Variants in STPG2 observed in about 807,000 individuals in gnomAD.
STPG2 encodes the protein sperm-tail PG-rich repeat-containing protein 2.
A neutral mutation model predicts 54.2 loss-of-function variants in STPG2; 56 were observed. The ratio of observed to expected loss-of-function variants is 1.03; its 90% CI spans 0.83 to 1.29. The LOEUF is 1.29. STPG2 is among the 50% of genes most tolerant of loss of function. The probability of loss-of-function intolerance (pLI) is 0.00; values close to 1 mark genes in which losing one functional copy is unlikely to be tolerated. For missense variants in STPG2, 596 were observed against 544.9 expected, an observed-to-expected ratio of 1.09 and a Z score of -0.93; for synonymous variants, 200 against 181.8, an observed-to-expected ratio of 1.10 and a Z score of -0.81.
chr4:97,878,962 T>C (rs1273413217), intron 8 of STPG2, among the ~76,000 whole-genome samples: 1 of 152,204 alleles, frequency 6.6e-6, no homozygotes, highest in East Asian at 1.9e-4. Context: ...TAGAAATTTC[T>C]TCTGCCAGAT....
At chr4:98,032,675 T>C (rs561826897) in intron 5 of STPG2, among the ~76,000 whole-genome samples, 21 of 152,264 alleles carry the variant, frequency 1.4e-4, no homozygotes, top group African/African-American at 2.6e-4. Context: ...TATTCTAAAA[T>C]TGACCACATA....
intron 9 of STPG2, among the ~76,000 whole-genome samples, chr4:97,833,515 T>C (rs945234419): frequency 2.6e-5 from 4 of 152,120 alleles, no homozygotes; most frequent in African/African-American, 7.2e-5. Flanking sequence ...TGGGATCTAA[T>C]TAAACTAAAG....
chr4:97,592,504 T>C (rs1733171720), intron 10 of STPG2, among the ~76,000 whole-genome samples: 1 of 152,090 alleles, frequency 6.6e-6, no homozygotes, highest in South Asian at 2.1e-4. Context: ...TATATTCTAA[T>C]TAAACAAAGT....
intron 9 of STPG2, among the ~76,000 whole-genome samples, chr4:97,765,872 G>C (rs1297257954): frequency 6.6e-6 from 1 of 152,024 alleles, no homozygotes; most frequent in Non-Finnish European, 1.5e-5. Flanking sequence ...TTAATGAGTG[G>C]GCAAATATAA....
At chr4:98,120,027 C>T (rs1472145371) in intron 3 of STPG2, among the ~76,000 whole-genome samples, 1 of 152,040 alleles carries the variant, frequency 6.6e-6, no homozygotes, top group Non-Finnish European at 1.5e-5. Context: ...GATTCCATGG[C>T]TTTACTATTG....
chr4:97,927,605 A>T (rs950517584), intron 8 of STPG2, among the ~76,000 whole-genome samples: 7 of 152,242 alleles, frequency 4.6e-5, no homozygotes, highest in Admixed American at 1.3e-4. Context: ...ATAGCTTTTT[A>T]AAAAATCACA....
intron 10 of STPG2, among the ~76,000 whole-genome samples, chr4:97,678,584 T>TTTATTTA (rs1343494812): frequency 1.4e-4 from 22 of 151,924 alleles, no homozygotes; most frequent in Non-Finnish European, 3.1e-4. Context: ...TCATGCCCAT[T>TTTATTTA]TTATTTATTT....
chr4:98,039,741 G>C (rs1456986468), intron 5 of STPG2, among the ~76,000 whole-genome samples: 5 of 150,432 alleles, frequency 3.3e-5, no homozygotes, highest in Admixed American at 2.7e-4. Context: ...TGGACACTTA[G>C]GTTGATTCCA....
At chr4:97,810,699 G>A (rs1727708133) in intron 9 of STPG2, among the ~76,000 whole-genome samples, 1 of 151,958 alleles carries the variant, frequency 6.6e-6, no homozygotes, top group Admixed American at 6.6e-5. Flanking sequence ...AGTGTAATAG[G>A]AAAGCAAACA....
chr4:97,835,681 T>C lies in STPG2; in HGVS notation c.1204+5092A>G, dbSNP rs183914991. Among the ~76,000 whole-genome samples the C allele has an allele frequency of 8.1e-4, 123 of 152,192 alleles. 1 individual carries two copies. The highest frequency in any genetic ancestry group is 2.9e-3 in the African/African-American group (119 of 41,542). ...GTAAGGCTATGGCCACCATACAGAG[T>C]GACTCCTCTGGGATCTGGGCAAAGT... On this transcript the variant is annotated intron_variant, in intron 9 of 10. Coordinates refer to ENST00000295268, the MANE Select transcript of STPG2 (RefSeq NM_174952.3).
intron 10 of STPG2, among the ~76,000 whole-genome samples, chr4:97,708,954 G>A (rs1724033220): frequency 6.6e-6 from 1 of 151,388 alleles, no homozygotes. Flanking sequence ...ATATATCTTT[G>A]TTAATTTCTG....
chr4:97,906,140 G>T (rs1206937398), intron 8 of STPG2, among the ~76,000 whole-genome samples: 2 of 152,142 alleles, frequency 1.3e-5, no homozygotes, highest in African/African-American at 4.8e-5. Context: ...AGGAAAAAAA[G>T]AGAGAAGAAT....
chr4:98,122,864 G>A (rs7657982), intron 3 of STPG2, among the ~76,000 whole-genome samples: 60,740 of 151,608 alleles, frequency 0.4, 12,432 homozygotes, highest in African/African-American at 0.47. Flanking sequence ...TTACTGCTTC[G>A]ATTTCAGAAC....
chr4:98,139,240 T>C (rs1396796971), intron 1 of STPG2, among the ~76,000 whole-genome samples: 1 of 152,076 alleles, frequency 6.6e-6, no homozygotes, highest in African/African-American at 2.4e-5. Context: ...CGAGTTTCAA[T>C]TAAGGTAAAA....
Position 97,840,786 on chromosome 4 carries a change from C to T in STPG2, c.1191G>A (p.Val397=), listed in dbSNP as rs778778967. The T allele has an allele frequency of 1.9e-6, 3 of 1,611,118 alleles. No individual in the cohort carries two copies. The highest frequency in any genetic ancestry group is 1.7e-6 in the Non-Finnish European group (2 of 1,178,098). The change falls in exon 9 of 11, where the codon GTG becomes GTA. Residue 397 remains valine (V), a synonymous_variant. Coordinates refer to ENST00000295268, the MANE Select transcript of STPG2 (RefSeq NM_174952.3). ...LSATPRCLEK[V]TDGPGPAAYN... is the part of the protein sequence containing the mutation. The stretch of plus-strand genomic sequence containing the variant: ...TTCTAGACTTACCTGGCCCATCAGT[C>T]ACTTTTTCTAGGCACCGAGGAGTTG...
chr4:97,665,634 T>C (rs1240812996), intron 10 of STPG2, among the ~76,000 whole-genome samples: 1 of 152,120 alleles, frequency 6.6e-6, no homozygotes, highest in African/African-American at 2.4e-5. Context: ...TCCTGGCCCC[T>C]AGACTTCAGG....
intron 10 of STPG2, among the ~76,000 whole-genome samples, chr4:97,668,625 A>AAAGG: frequency 6.6e-6 from 1 of 151,498 alleles, no homozygotes; most frequent in Middle Eastern, 3.4e-3. Flanking sequence ...GTCAAAGAAT[A>AAAGG]AAGGAAGGAA....
intron 5 of STPG2, among the ~76,000 whole-genome samples, chr4:98,055,531 C>A (rs1186217384): frequency 6.6e-6 from 1 of 152,128 alleles, no homozygotes; most frequent in East Asian, 1.9e-4. Flanking sequence ...CCCACTCTCA[C>A]CATGGGCCTT....
intron 5 of STPG2, among the ~76,000 whole-genome samples, chr4:98,104,896 C>A (rs931862841): frequency 3.9e-5 from 6 of 152,078 alleles, no homozygotes; most frequent in Non-Finnish European, 8.8e-5. Context: ...CCCCAACACC[C>A]CAAGATATCT....
Sources: gnomAD v4.1 joint callset for allele counts (sites outside exome capture counted in the v4.1 genomes callset) on GRCh38, gnomAD v4.1.1 for gene constraint, MANE v1.5 for transcripts, NCBI Gene and HGNC (gene_info 2026-07-23, HGNC 2026-07-21) for gene names.